PTPRD: variants seen among roughly 807,000 people sequenced by gnomAD.
PTPRD encodes the protein protein tyrosine phosphatase receptor type D.
In PTPRD, 34 loss-of-function variants were observed where a neutral mutation model predicts 214.5. That is an observed-to-expected ratio of 0.16 (90% confidence interval 0.12 to 0.21). The LOEUF (loss-of-function observed/expected upper bound fraction) is 0.21. PTPRD is among the 10% of genes least tolerant of loss of function. The pLI is 1.00. For missense variants in PTPRD, 2,545 were observed against 2,398.7 expected (o/e 1.06, Z -1.27); for synonymous variants, 1,128 against 845.7 (o/e 1.33, Z -5.79).
chr9:8,589,325 A>G (rs1317376878), intron 14 of PTPRD, among the ~76,000 whole-genome samples: 4 of 152,196 alleles, frequency 2.6e-5, no homozygotes, highest in Admixed American at 1.3e-4. Context: ...CTCATACAAT[A>G]ACATTTAATG....
At chr9:9,835,189 G>C (rs998108897) in intron 5 of PTPRD, among the ~76,000 whole-genome samples, 7 of 152,210 alleles carry the variant, frequency 4.6e-5, no homozygotes, top group African/African-American at 1.7e-4. Flanking sequence ...TGCAATTTCA[G>C]TTATATTTCT....
chr9:9,195,088 A>G (rs59014922), intron 9 of PTPRD, among the ~76,000 whole-genome samples: 16,152 of 119,874 alleles, frequency 0.13, 1,123 homozygotes, highest in African/African-American at 0.22. Flanking sequence ...GTGTTTGTGT[A>G]TATATATATA....
intron 2 of PTPRD, among the ~76,000 whole-genome samples, chr9:10,503,788 T>G (rs1483914174): frequency 6.6e-6 from 1 of 151,782 alleles, no homozygotes; most frequent in Admixed American, 6.6e-5. Context: ...GGACAATAGA[T>G]GTCCAGGGTA....
intron 11 of PTPRD, among the ~76,000 whole-genome samples, chr9:8,750,868 A>ACGGT (rs2154461807): frequency 6.6e-6 from 1 of 152,286 alleles, no homozygotes; most frequent in East Asian, 1.9e-4. Flanking sequence ...ATGGAGTGAC[A>ACGGT]CGGTCTGATT....
intron 2 of PTPRD, among the ~76,000 whole-genome samples, chr9:10,485,981 G>C (rs866819628): frequency 6.6e-6 from 1 of 150,688 alleles, no homozygotes; most frequent in Non-Finnish European, 1.5e-5. Flanking sequence ...CTGCATAAAT[G>C]TCTTCTTTCG....
At chr9:10,027,048 T>TA (rs1292235866) in intron 4 of PTPRD, among the ~76,000 whole-genome samples, 3 of 152,098 alleles carry the variant, frequency 2.0e-5, no homozygotes, top group African/African-American at 7.2e-5. Context: ...TTGGCCTTGG[T>TA]AAAATAAATA....
chr9:9,278,150 T>C (rs1442059055), intron 9 of PTPRD, among the ~76,000 whole-genome samples: 1 of 151,376 alleles, frequency 6.6e-6, no homozygotes, highest in Non-Finnish European at 1.5e-5. Flanking sequence ...AAACAAGTAG[T>C]AACCAATATA....
At chr9:10,185,752 C>G (rs189471736) in intron 3 of PTPRD, among the ~76,000 whole-genome samples, 1,846 of 149,472 alleles carry the variant, frequency 0.012, 35 homozygotes, top group African/African-American at 0.042. Flanking sequence ...TTTTTTTTTT[C>G]CCTGTTGTTG....
intron 14 of PTPRD, among the ~76,000 whole-genome samples, chr9:8,570,675 C>T (rs910900504): frequency 1.3e-5 from 2 of 151,994 alleles, no homozygotes; most frequent in African/African-American, 4.8e-5. Flanking sequence ...GAGTTCTTTT[C>T]CTTTTAGCTC....
At chr9:10,230,617 C>T (rs796128878) in intron 3 of PTPRD, among the ~76,000 whole-genome samples, 4 of 152,036 alleles carry the variant, frequency 2.6e-5, no homozygotes, top group African/African-American at 9.6e-5. Flanking sequence ...CTAAGTGAAG[C>T]CACTTAGTCA....
chr9:9,936,524 G>C (rs1339225785), intron 5 of PTPRD, among the ~76,000 whole-genome samples: 1 of 146,998 alleles, frequency 6.8e-6, no homozygotes, highest in African/African-American at 2.6e-5. Context: ...ACCACAATGA[G>C]ATACAATCTC....
At chr9:9,516,541 A>AT (rs1471854425) in intron 8 of PTPRD, among the ~76,000 whole-genome samples, 1 of 149,404 alleles carries the variant, frequency 6.7e-6, no homozygotes, top group Non-Finnish European at 1.5e-5. Flanking sequence ...ATTTTATTTT[A>AT]TTTATTTATT....
chr9:8,837,633 A>G (rs2097461318), intron 11 of PTPRD, among the ~76,000 whole-genome samples: 1 of 152,058 alleles, frequency 6.6e-6, no homozygotes, highest in Non-Finnish European at 1.5e-5. Context: ...AGTAGCTGGT[A>G]TTACAGGTGC....
chr9:8,873,976 T>C (rs1182184734), intron 11 of PTPRD, among the ~76,000 whole-genome samples: 3 of 152,226 alleles, frequency 2.0e-5, no homozygotes, highest in Non-Finnish European at 4.4e-5. Context: ...TCTATCATAC[T>C]GGACAGAACA....
At chr9:9,522,670 C>A (rs2097014354) in intron 8 of PTPRD, among the ~76,000 whole-genome samples, 1 of 151,928 alleles carries the variant, frequency 6.6e-6, no homozygotes, top group African/African-American at 2.4e-5. Context: ...TTTCTCTAAT[C>A]ATAATAAAAA....
At chr9:8,992,960 A>G (rs2099383284) in intron 11 of PTPRD, among the ~76,000 whole-genome samples, 1 of 152,124 alleles carries the variant, frequency 6.6e-6, no homozygotes, top group African/African-American at 2.4e-5. Flanking sequence ...TCAAATTACA[A>G]CACACTCTAT....
intron 12 of PTPRD, among the ~76,000 whole-genome samples, chr9:8,694,220 A>T (rs1228092846): frequency 6.6e-6 from 1 of 152,184 alleles, no homozygotes; most frequent in African/African-American, 2.4e-5. Context: ...GAATTATATA[A>T]ATTACTTCTT....
intron 2 of PTPRD, among the ~76,000 whole-genome samples, chr9:10,453,250 G>A (rs1157973283): frequency 6.6e-6 from 1 of 151,414 alleles, no homozygotes; most frequent in African/African-American, 2.4e-5. Flanking sequence ...ATCAGGTAAT[G>A]TGATGTCTCC....
chr9:10,536,730 G>A (rs1455799115), intron 2 of PTPRD, among the ~76,000 whole-genome samples: 1 of 152,086 alleles, frequency 6.6e-6, no homozygotes, highest in East Asian at 1.9e-4. Flanking sequence ...GAACACTGCA[G>A]AGAATAAAAA....
Sources: allele counts gnomAD v4.1 joint callset (sites outside exome capture counted in the v4.1 genomes callset), GRCh38; gene constraint gnomAD v4.1.1; transcripts MANE v1.5; gene names NCBI Gene and HGNC (gene_info 2026-07-23, HGNC 2026-07-21).